Variants in PBX3 observed in about 807,000 individuals in gnomAD.
PBX3 encodes PBX homeobox 3.
A neutral mutation model predicts 48.5 loss-of-function variants in PBX3; 14 were observed. The observed-to-expected ratio is 0.29, with a 90% CI of 0.19 to 0.45. PBX3 has a LOEUF of 0.45. Among genes scored for constraint, PBX3 ranks in the 20% least tolerant of loss-of-function variants. The pLI, the probability that PBX3 is intolerant of heterozygous loss-of-function variation, is 1.00. For missense variants in PBX3, 386 were observed against 546.7 expected, an observed-to-expected ratio of 0.71 and a Z score of 2.93; for synonymous variants, 210 against 200.3, an observed-to-expected ratio of 1.05 and a Z score of -0.41.
chr9:125,749,292 G>C (rs1038799547), intron 2 of PBX3: 1 of 152,212 alleles, frequency 6.6e-6, no homozygotes, highest in Non-Finnish European at 1.5e-5. Context: ...GTCCAAGTCA[G>C]GGAATATATA....
chr9:125,957,530 A>G (rs1842335185), intron 5 of PBX3, among the ~76,000 whole-genome samples: 1 of 152,248 alleles, frequency 6.6e-6, no homozygotes, highest in Non-Finnish European at 1.5e-5. Flanking sequence ...AGGGGTATGC[A>G]TAAACAGAGG....
At chr9:125,763,240 T>C (rs1448448165) in intron 2 of PBX3, among the ~76,000 whole-genome samples, 2 of 152,224 alleles carry the variant, frequency 1.3e-5, no homozygotes, top group African/African-American at 4.8e-5. Flanking sequence ...ACAAGGCATA[T>C]ATGTTTTTAT....
chr9:125,921,525 A>G (rs2132486171), intron 3 of PBX3, among the ~76,000 whole-genome samples: 1 of 152,278 alleles, frequency 6.6e-6, no homozygotes, highest in South Asian at 2.1e-4. Context: ...ACTCTGTGCA[A>G]AGAACTTAAC....
At chr9:125,879,077 CT>C (rs36094728) in intron 2 of PBX3, among the ~76,000 whole-genome samples, 3,184 of 124,546 alleles carry the variant, frequency 0.026, 100 homozygotes, top group East Asian at 0.16. Context: ...ACATGCTATT[CT>C]TTTTTTTTTT....
chr9:125,884,021 C>T (rs953195670), intron 2 of PBX3, among the ~76,000 whole-genome samples: 1 of 152,042 alleles, frequency 6.6e-6, no homozygotes, highest in African/African-American at 2.4e-5. Flanking sequence ...CCATGATTTG[C>T]GATGAGCTTA....
chr9:125,792,838 A>G (rs914557876), intron 2 of PBX3, among the ~76,000 whole-genome samples: 3 of 151,490 alleles, frequency 2.0e-5, no homozygotes, highest in African/African-American at 7.3e-5. Context: ...AGCTGGGACT[A>G]CAGGCGTGTG....
At chr9:125,806,965 C>A (rs1838143266) in intron 2 of PBX3, among the ~76,000 whole-genome samples, 1 of 152,162 alleles carries the variant, frequency 6.6e-6, no homozygotes, top group Admixed American at 6.6e-5. Context: ...CTAGGGGACA[C>A]CATAAACCTT....
At chr9:125,964,065 G>A (rs1001927545) in intron 8 of PBX3, among the ~76,000 whole-genome samples, 3 of 152,084 alleles carry the variant, frequency 2.0e-5, no homozygotes, top group Admixed American at 2.0e-4. Context: ...GAGAATGTGC[G>A]ATATCCTTAT....
At chr9:125,748,378 C>T (rs934765161) in intron 1 of PBX3, 172 bp from the exon 2 acceptor site, 7 of 1,341,806 alleles carry the variant, frequency 5.2e-6, no homozygotes, top group Non-Finnish European at 2.9e-6. Context: ...GCCGCCGGGG[C>T]TTGCTGGCTG....
intron 2 of PBX3, among the ~76,000 whole-genome samples, chr9:125,786,669 C>T (rs868178505): frequency 8.6e-5 from 13 of 151,274 alleles, no homozygotes; most frequent in South Asian, 4.2e-4. Flanking sequence ...CAGTAGATGT[C>T]GGGACATTTC....
At chr9:125,939,192 A>T (rs1043045913) in intron 5 of PBX3, among the ~76,000 whole-genome samples, 1 of 152,216 alleles carries the variant, frequency 6.6e-6, no homozygotes, top group African/African-American at 2.4e-5. Flanking sequence ...GCACTGCAAG[A>T]AGATATTTAC....
chr9:125,813,821 C>CTG (rs150277742), intron 2 of PBX3, among the ~76,000 whole-genome samples: 5,857 of 151,290 alleles, frequency 0.039, 398 homozygotes, highest in African/African-American at 0.13. Context: ...TATTAGGTAT[C>CTG]ACTGCTTCTG....
chr9:125,870,494 A>ACAAG (rs1340934413), intron 2 of PBX3, among the ~76,000 whole-genome samples: 36 of 152,226 alleles, frequency 2.4e-4, no homozygotes, highest in Non-Finnish European at 1.5e-5. Context: ...AAACAAACAA[A>ACAAG]CAAAAAAACC....
In PBX3 at chr9:125,748,635, C is replaced by T. The variant is rs761945580; in HGVS notation, c.274+12C>T. ...CAAAGAGAAAACAGGTAAGACGCTG[C>T]GCCCCGCAGTGGGCCTGGAGACCCC... On this transcript the variant is annotated intron_variant, in intron 2 of 8. Transcript: ENST00000373489. 3.4e-5 allele frequency: 54 copies of T among 1,609,972 alleles called. No homozygotes were observed. Among genetic ancestry groups the T allele is most frequent in the Non-Finnish European group, 3.7e-5 (43 of 1,177,686 alleles).
chr9:125,788,853 C>T (rs1338933061), intron 2 of PBX3, among the ~76,000 whole-genome samples: 2 of 150,648 alleles, frequency 1.3e-5, no homozygotes, highest in Admixed American at 1.3e-4. Flanking sequence ...CCAGCCTGGG[C>T]GACAGAGCGA....
chr9:125,748,162 G>A (rs1040474732), intron 1 of PBX3: 32 of 846,550 alleles, frequency 3.8e-5, no homozygotes, highest in Non-Finnish European at 4.1e-5. Flanking sequence ...ACTTTGCCGA[G>A]CTGTCACCCT....
intron 5 of PBX3, chr9:125,949,486 T>C: frequency 1.3e-6 from 2 of 1,550,166 alleles, no homozygotes; most frequent in Non-Finnish European, 1.7e-6. Flanking sequence ...GGGAGGGGCA[T>C]GAGGGTGTGT....
intron 2 of PBX3, among the ~76,000 whole-genome samples, chr9:125,771,035 C>T (rs1268251805): frequency 6.6e-6 from 1 of 152,144 alleles, no homozygotes; most frequent in Non-Finnish European, 1.5e-5. Flanking sequence ...GGCCTTTTCT[C>T]ATTAGTCTCT....
intron 2 of PBX3, among the ~76,000 whole-genome samples, chr9:125,799,431 AG>A (rs148099825): frequency 0.019 from 2,832 of 152,284 alleles, 107 homozygotes; most frequent in African/African-American, 0.065. Context: ...TCTTGAGCCC[AG>A]GGGGTCAAGG....
Sources: allele counts gnomAD v4.1 joint callset (sites outside exome capture counted in the v4.1 genomes callset), GRCh38; gene constraint gnomAD v4.1.1; transcripts MANE v1.5; gene names NCBI Gene and HGNC (gene_info 2026-07-23, HGNC 2026-07-21).